The following RBM24 variants were observed in gnomAD, a reference collection of about 807,000 sequenced individuals.
RBM24 encodes the protein RNA binding motif protein 24, also known as RNA-binding protein 24.
In RBM24, 5 loss-of-function variants were observed where a neutral mutation model predicts 23.6. The observed-to-expected ratio is 0.21, with a 90% CI of 0.11 to 0.45. RBM24 has a LOEUF of 0.45. RBM24 is among the 20% of genes least tolerant of loss of function. RBM24 has a pLI of 0.99. For missense variants in RBM24, 252 were observed against 314.6 expected, an observed-to-expected ratio of 0.80 and a Z score of 1.51; for synonymous variants, 151 against 129.5, an observed-to-expected ratio of 1.17 and a Z score of -1.13.
chr6:17,282,765 A>G (rs1760066347), intron 1 of RBM24, 40 bp from the exon 2 acceptor site: 1 of 1,609,102 alleles, frequency 6.2e-7, no homozygotes, highest in Non-Finnish European at 8.5e-7. Flanking sequence ...GGGTTAATTT[A>G]GAGGTTATGT....
chr6:17,288,240 T>C, intron 3 of RBM24: 1 of 985,354 alleles, frequency 1.0e-6, no homozygotes, highest in Non-Finnish European at 1.2e-6. Context: ...AAGACAAAAC[T>C]CTATTCTCTC....
At chr6:17,285,021 T>C in intron 3 of RBM24, 1 of 215,550 alleles carries the variant, frequency 4.6e-6, no homozygotes, top group Non-Finnish European at 9.1e-6. Flanking sequence ...TCGACTTGAC[T>C]CAATTTTATT....
chr6:17,287,729 A>C (rs1760238001), intron 3 of RBM24, among the ~76,000 whole-genome samples: 1 of 152,142 alleles, frequency 6.6e-6, no homozygotes, highest in African/African-American at 2.4e-5. Context: ...GAATGGCGTG[A>C]ACCCAGAAGG....
intron 2 of RBM24, among the ~76,000 whole-genome samples, chr6:17,284,319 C>G (rs1312782973): frequency 6.6e-6 from 1 of 152,152 alleles, no homozygotes; most frequent in Non-Finnish European, 1.5e-5. Flanking sequence ...GATTCTGGTT[C>G]AAAACTGTGA....
rs763531759 is a variant in RBM24, at chr6:17,292,057, G to C, written c.649G>C (p.Ala217Pro). The C allele has an allele frequency of 3.8e-6, 6 of 1,593,446 alleles. No homozygotes were observed. Among genetic ancestry groups the C allele is most frequent in the African/African-American group, 1.3e-5 (1 of 74,834 alleles). Reference sequence around the variant, plus strand: ...AGCTGCCGCCGCCGCTGCAGCAGCTGCTGCCGCTGCAGCATTTGGCCAGTA... The same window carrying C: ...AGCTGCCGCCGCCGCTGCAGCAGCTCCTGCCGCTGCAGCATTTGGCCAGTA... ...GTAAAAAAAA[A>P]AAAAFGQYQP... Residue 217 changes from alanine (A) to proline (P), a missense_variant, in exon 4 of 4, where the codon GCT becomes CCT. Physicochemically the swap from Ala to Pro is conservative, Grantham distance 27. Coordinates refer to ENST00000379052, the MANE Select transcript of RBM24 (RefSeq NM_001143942.2).
intron 3 of RBM24, chr6:17,290,161 T>G (rs1396557654): frequency 9.5e-6 from 11 of 1,156,072 alleles, no homozygotes; most frequent in Non-Finnish European, 1.3e-5. Flanking sequence ...AATGAGTGCT[T>G]TCAGTAAAAC....
At chr6:17,287,228 T>C (rs1760223216) in intron 3 of RBM24, among the ~76,000 whole-genome samples, 1 of 152,210 alleles carries the variant, frequency 6.6e-6, no homozygotes, top group African/African-American at 2.4e-5. Flanking sequence ...GTTCCTATTT[T>C]AGGCCTGGAA....
Position 17,281,865 on chromosome 6 carries a change from G to A in RBM24, c.168+116G>A. 1 of 1,395,528 alleles carries A rather than the reference G, an allele frequency of 7.2e-7. No individual in the cohort carries two copies. Among genetic ancestry groups the A allele is most frequent in the Non-Finnish European group, 9.7e-7 (1 of 1,025,964 alleles). The allele number at this position is 1,395,528 out of a possible 1,614,324, so 86.4% of individuals were successfully genotyped here. A position where few individuals can be genotyped will look rare whatever the true frequency, so the allele number is the denominator to read the frequency against. On this transcript the variant is annotated intron_variant, in intron 1 of 3. Coordinates refer to ENST00000379052, the MANE Select transcript of RBM24 (RefSeq NM_001143942.2). The surrounding 1 kb of genome is among the most constrained non-coding windows in gnomAD (Gnocchi z 7.1). ...CCGTGAGGAGCCCCGCGGGTAGAGC[G>A]GCGCTGCCCCTTCGCTCCGGGGTGA...
At chr6:17,285,353 G>A (rs1293816357) in intron 3 of RBM24, among the ~76,000 whole-genome samples, 3 of 151,918 alleles carry the variant, frequency 2.0e-5, no homozygotes, top group Non-Finnish European at 4.4e-5. Flanking sequence ...GGGGCTCTTT[G>A]CGTTTTGATT....
intron 2 of RBM24, chr6:17,283,219 T>G: frequency 3.0e-6 from 1 of 328,788 alleles, no homozygotes; most frequent in Non-Finnish European, 5.8e-6. Flanking sequence ...CTGCTCTCAA[T>G]TTTCCAATTT....
rs760595660 is a variant in RBM24 at position 17,292,107 on chromosome 6, C to A, written c.699C>A (p.Asp233Glu). ...GQYQPQQLQT[D>E]RMQ ...ACCAGCCTCAGCAGCTGCAGACAGACCGAATGCAATAGACCAGCCATCTGA... is the reference window on the plus strand; with the variant it reads ...ACCAGCCTCAGCAGCTGCAGACAGAACGAATGCAATAGACCAGCCATCTGA... The change falls in exon 4 of 4, where the codon GAC becomes GAA. Residue 233 changes from aspartate (D) to glutamate (E), a missense_variant. By Grantham distance (45) the Asp-to-Glu change is conservative. Coordinates refer to ENST00000379052, the MANE Select transcript of RBM24 (RefSeq NM_001143942.2). The A allele has an allele frequency of 2.6e-6, 4 of 1,536,636 alleles. No individual in the cohort carries two copies. Among genetic ancestry groups the A allele is most frequent in the Non-Finnish European group, 2.6e-6 (3 of 1,145,870 alleles).
chr6:17,281,552 C>G lies in RBM24; in HGVS notation c.-30C>G. The G allele has an allele frequency of 4.0e-6, 6 of 1,483,598 alleles. No homozygotes were observed. Among genetic ancestry groups the G allele is most frequent in the Non-Finnish European group, 5.4e-6 (6 of 1,117,224 alleles). 91.9% of individuals were successfully genotyped at this position (1,483,598 alleles called of 1,614,324 possible). On this transcript the variant is annotated 5_prime_UTR_variant, in exon 1 of 4. Transcript: ENST00000379052. This position sits in a 1 kb window ranked among gnomAD's most constrained non-coding sequence, Gnocchi z 7.1. ...CCGCTGCCCGAGCCGCAGCCGCAGC[C>G]GGAGCCCGAGCCGCGGGGCGGGTGC...
At position 17,288,652 on chromosome 6, in the gene RBM24, GTA is replaced by G. The variant is rs1158828134; in HGVS notation, c.348-3103_348-3102del. 4.0e-5 allele frequency: 39 copies of G among 984,634 alleles called. No homozygotes were observed. In the East Asian group the frequency reaches 4.2e-3, roughly 106 times the overall value. 61.0% of individuals were successfully genotyped at this position (984,634 alleles called of 1,614,324 possible). A position where few individuals can be genotyped will look rare whatever the true frequency, so the allele number is the denominator to read the frequency against. ...GTGAGTGGGATTTGGATTTCAGCAG[GTA>G]GAGACAGTGTGAGGATTAGCATCTG... On this transcript the variant is annotated intron_variant, in intron 3 of 3. Coordinates refer to ENST00000379052, the MANE Select transcript of RBM24 (RefSeq NM_001143942.2).
intron 3 of RBM24, chr6:17,290,141 G>A (rs1404577865): frequency 4.8e-6 from 6 of 1,250,058 alleles, no homozygotes; most frequent in Non-Finnish European, 6.3e-6. Flanking sequence ...CTTTTCCATG[G>A]ATGTTCGTTA....
At position 17,281,976 on chromosome 6, in the gene RBM24, C is replaced by T; in HGVS notation, c.168+227C>T. ...GCGCTGTGCGAGGTCGGGGGCCGGG[C>T]AGGGCAGAGCAGGGGTGAAAGGAGA... On this transcript the variant is annotated intron_variant, in intron 1 of 3. Coordinates refer to ENST00000379052, the MANE Select transcript of RBM24 (RefSeq NM_001143942.2). The surrounding 1 kb of genome is among the most constrained non-coding windows in gnomAD (Gnocchi z 7.1). 1.5e-6 allele frequency: 2 copies of T among 1,361,860 alleles called. No individual in the cohort carries two copies. The highest frequency in any genetic ancestry group is 1.9e-6 in the Non-Finnish European group (2 of 1,046,702). The allele number at this position is 1,361,860 out of a possible 1,614,324, so 84.4% of individuals were successfully genotyped here. A position where few individuals can be genotyped will look rare whatever the true frequency, so the allele number is the denominator to read the frequency against.
At position 17,288,943 on chromosome 6, in the gene RBM24, G is replaced by A. The variant is rs138694234; in HGVS notation, c.348-2813G>A. The A allele has an allele frequency of 8.4e-4, 831 of 985,400 alleles. 4 individuals carry two copies. The African/African-American group carries it at 0.014, about 16-fold the overall frequency. 61.0% of individuals were successfully genotyped at this position (985,400 alleles called of 1,614,324 possible). A position where few individuals can be genotyped will look rare whatever the true frequency, so the allele number is the denominator to read the frequency against. On this transcript the variant is annotated intron_variant, in intron 3 of 3. Coordinates refer to ENST00000379052, the MANE Select transcript of RBM24 (RefSeq NM_001143942.2). ...GAGTATTTGTCATCAGTTGCTGTGA[G>A]ATAGATTGGAAAAAGAAACCGATTA...
chr6:17,289,905 C>CTTTGTTG, intron 3 of RBM24: 1 of 1,269,422 alleles, frequency 7.9e-7, no homozygotes, highest in South Asian at 1.3e-5. Flanking sequence ...TAAAGCCACA[C>CTTTGTTG]CTGTTGTTGC....
At chr6:17,286,647 T>C (rs1760207946) in intron 3 of RBM24, among the ~76,000 whole-genome samples, 1 of 152,164 alleles carries the variant, frequency 6.6e-6, no homozygotes, top group African/African-American at 2.4e-5. Flanking sequence ...AGAAAATAGA[T>C]GAAGTGGAGG....
At chr6:17,290,318 C>G (rs2113410336) in intron 3 of RBM24, among the ~76,000 whole-genome samples, 1 of 152,240 alleles carries the variant, frequency 6.6e-6, no homozygotes, top group South Asian at 2.1e-4. Context: ...ATTATAGTGT[C>G]ATGTTTTTAG....
Sources: gnomAD v4.1 joint callset for allele counts (sites outside exome capture counted in the v4.1 genomes callset) on GRCh38, gnomAD v4.1.1 for gene constraint, Gnocchi (gnomAD v3.1) non-coding constraint, MANE v1.5 for transcripts, NCBI Gene and HGNC (gene_info 2026-07-23, HGNC 2026-07-21) for gene names.